ANKRD31: variants seen among roughly 807,000 people sequenced by gnomAD.
ANKRD31 encodes the protein ankyrin repeat domain 31, also known as ankyrin repeat domain-containing protein 31.
A neutral mutation model predicts 186.0 loss-of-function variants in ANKRD31; 147 were observed. The observed-to-expected ratio is 0.79, with a 90% CI of 0.69 to 0.91. ANKRD31 has a LOEUF of 0.91. ANKRD31 is among the 40% of genes least tolerant of loss of function. ANKRD31 has a pLI of 0.00. For synonymous variants in ANKRD31, 673 were observed against 736.4 expected, an observed-to-expected ratio of 0.91 and a Z score of 1.39; for missense variants, 1,986 against 2,148.8, an observed-to-expected ratio of 0.92 and a Z score of 1.50.
intron 22 of ANKRD31, among the ~76,000 whole-genome samples, chr5:75,100,795 T>C (rs1215658685): frequency 1.3e-5 from 2 of 152,198 alleles, no homozygotes; most frequent in African/African-American, 4.8e-5. Context: ...CCTCCATCCC[T>C]TTATTTTGAG....
In ANKRD31 at chr5:75,104,945, G is replaced by A; in HGVS notation, c.4614C>T (p.Ser1538=). 6.5e-7 allele frequency: 1 copy of A among 1,537,084 alleles called. No individual in the cohort carries two copies. Among genetic ancestry groups the A allele is most frequent in the Non-Finnish European group, 8.7e-7 (1 of 1,146,870 alleles). The change falls in exon 22 of 26, where the codon AGC becomes AGT. Residue 1538 remains serine (S), a synonymous_variant. Coordinates refer to ENST00000506364, the MANE Select transcript of ANKRD31 (RefSeq NM_001372053.1). The stretch of plus-strand genomic sequence containing the variant: ...CCAGAGACAATTGTGTTTCCTGCAT[G>A]CTTCCAGAAACAGGAGAAAGTGAAC... The part of the protein sequence containing the change: ...QSGSLSPVSG[S]MQETQLSLET...
At chr5:75,183,717 C>T (rs1754489294) in intron 10 of ANKRD31, among the ~76,000 whole-genome samples, 1 of 151,866 alleles carries the variant, frequency 6.6e-6, no homozygotes, top group South Asian at 2.1e-4. Context: ...GGTGAAAGAT[C>T]TCCACACTGA....
At chr5:75,084,697 G>A (rs1745347515) in intron 23 of ANKRD31, among the ~76,000 whole-genome samples, 1 of 152,136 alleles carries the variant, frequency 6.6e-6, no homozygotes, top group Admixed American at 6.5e-5. Context: ...CCCTTGTTGT[G>A]TGATATTAAT....
chr5:75,167,041 T>TCC (rs74699205), intron 11 of ANKRD31, among the ~76,000 whole-genome samples: 2 of 151,806 alleles, frequency 1.3e-5, no homozygotes, highest in Non-Finnish European at 2.9e-5. Flanking sequence ...ACATTTTCAT[T>TCC]CCCCCTAAAA....
intron 22 of ANKRD31, among the ~76,000 whole-genome samples, chr5:75,100,192 T>C (rs527780974): frequency 2.0e-5 from 3 of 152,332 alleles, no homozygotes; most frequent in Admixed American, 6.5e-5. Context: ...CCAGTAGTCA[T>C]TCAGGAGCAG....
Position 75,206,411 on chromosome 5 carries a change from C to T in ANKRD31, c.403G>A (p.Gly135Arg). 5 of 1,459,300 alleles carry T rather than the reference C, an allele frequency of 3.4e-6. No homozygotes were observed. The highest frequency in any genetic ancestry group is 4.5e-6 in the Non-Finnish European group (5 of 1,112,800). 90.4% of individuals were successfully genotyped at this position (1,459,300 alleles called of 1,614,324 possible). The stretch of plus-strand genomic sequence containing the variant: ...ATATGACTCTACCATGAAAACATAC[C>T]TTCAATATTTTGGTGGTTCAATGAA... ...GLSLNHQNIE[G>R]PEAESPEVLP... The change falls in exon 5 of 26, where the codon GGG becomes AGG. Residue 135 changes from glycine (G) to arginine (R), a missense_variant and splice_region_variant. Gly to Arg is a moderately radical substitution (Grantham distance 125, BLOSUM62 -2). Transcript: ENST00000506364.
chr5:75,077,705 C>T (rs1165546354), intron 25 of ANKRD31, among the ~76,000 whole-genome samples: 1 of 151,936 alleles, frequency 6.6e-6, no homozygotes, highest in Non-Finnish European at 1.5e-5. Context: ...GTGGGCAGAT[C>T]ATGAGGTCAG....
intron 22 of ANKRD31, among the ~76,000 whole-genome samples, chr5:75,092,942 T>A (rs1173693516): frequency 1.3e-5 from 2 of 152,050 alleles, no homozygotes; most frequent in African/African-American, 4.8e-5. Context: ...ATAGAAGTTA[T>A]GGAGTTGGAA....
At chr5:75,098,621 T>C (rs1561416940) in intron 22 of ANKRD31, among the ~76,000 whole-genome samples, 2 of 152,198 alleles carry the variant, frequency 1.3e-5, no homozygotes, top group Admixed American at 6.5e-5. Flanking sequence ...CAGTGGTTTG[T>C]AGTTCTCCTT....
chr5:75,210,805 A>T lies in ANKRD31; in HGVS notation c.326+23T>A, dbSNP rs1756578252. On this transcript the variant is annotated intron_variant, in intron 4 of 25. Coordinates refer to ENST00000506364, the MANE Select transcript of ANKRD31 (RefSeq NM_001372053.1). ...TGACAAAAATACCTACAACATAATG[A>T]AGCCAAAAATTAGTATACTTACTGT... The T allele has an allele frequency of 2.0e-6, 3 of 1,476,234 alleles. No homozygotes were observed. In the African/African-American group the frequency reaches 4.3e-5, roughly 21 times the overall value. 91.4% of individuals were successfully genotyped at this position (1,476,234 alleles called of 1,614,324 possible). A position where few individuals can be genotyped will look rare whatever the true frequency, so the allele number is the denominator to read the frequency against.
rs79702707 is a variant in ANKRD31 at position 75,104,326 on chromosome 5, A to C, written c.5233T>G (p.Tyr1745Asp). Reference protein sequence around the residue: ...QQDTIKKALNYSTAPKKKCIQ... With the variant: ...QQDTIKKALNDSTAPKKKCIQ... ...CATTTCTTTTTAGGAGCTGTACTGTAGTTTAAAGCCTTTTTTATTGTATCT... is the reference window on the plus strand; with the variant it reads ...CATTTCTTTTTAGGAGCTGTACTGTCGTTTAAAGCCTTTTTTATTGTATCT... The change falls in exon 22 of 26, where the codon TAC becomes GAC. Residue 1745 changes from tyrosine (Y) to aspartate (D), a missense_variant. Tyr to Asp is a radical substitution (Grantham distance 160, BLOSUM62 -3). Transcript: ENST00000506364. 2,784 of 1,537,190 alleles carry C rather than the reference A, an allele frequency of 1.8e-3. 72 individuals are homozygous for C. The East Asian group carries it at 0.058, about 32-fold the overall frequency.
At chr5:75,130,890 A>G (rs984436691) in intron 17 of ANKRD31, among the ~76,000 whole-genome samples, 29 of 152,226 alleles carry the variant, frequency 1.9e-4, no homozygotes, top group African/African-American at 6.8e-4. Context: ...TGCAGCACCT[A>G]GCCCGGGCAC....
intron 22 of ANKRD31, among the ~76,000 whole-genome samples, chr5:75,100,597 C>T (rs1399980881): frequency 6.6e-5 from 10 of 152,144 alleles, no homozygotes; most frequent in African/African-American, 2.4e-4. Context: ...CTTTATGAAT[C>T]TGGGTGCTCC....
At position 75,224,178 on chromosome 5, in the gene ANKRD31, T is replaced by TAC. The variant is rs1554095671; in HGVS notation, c.179-1822_179-1821dup. Among the ~76,000 whole-genome samples the TAC allele has an allele frequency of 5.0e-4, 62 of 124,424 alleles. 1 individual carries two copies. The highest frequency in any genetic ancestry group is 3.8e-3 in the East Asian group (15 of 3,946). 81.6% of individuals were successfully genotyped at this position (124,424 alleles called of 152,430 possible). A position where few individuals can be genotyped will look rare whatever the true frequency, so the allele number is the denominator to read the frequency against. On this transcript the variant is annotated intron_variant, in intron 2 of 25. Transcript: ENST00000506364. Reference sequence around the variant, plus strand: ...ATATATATGTATATATATATATATATACACACATTTCTTCCATTAGAATTC... The same window carrying TAC: ...ATATATATGTATATATATATATATATACACACACATTTCTTCCATTAGAATTC...
intron 20 of ANKRD31, among the ~76,000 whole-genome samples, chr5:75,109,029 G>A (rs1747556928): frequency 6.6e-6 from 1 of 151,890 alleles, no homozygotes; most frequent in Non-Finnish European, 1.5e-5. Flanking sequence ...ATTAATCAAT[G>A]GTATATTAAA....
At chr5:75,114,862 C>T (rs951282977) in intron 19 of ANKRD31, among the ~76,000 whole-genome samples, 22 of 152,072 alleles carry the variant, frequency 1.4e-4, no homozygotes, top group African/African-American at 4.6e-4. Context: ...AATGCCATCC[C>T]CATCAAGCTA....
At chr5:75,154,926 C>G (rs933062029) in intron 11 of ANKRD31, among the ~76,000 whole-genome samples, 1 of 152,050 alleles carries the variant, frequency 6.6e-6, no homozygotes, top group African/African-American at 2.4e-5. Flanking sequence ...CTGAGCTCCC[C>G]CAATGCCTCA....
Position 75,196,100 on chromosome 5 carries a change from T to TC in ANKRD31, c.547dup (p.Glu183GlyfsTer14), listed in dbSNP as rs1755450685. 6.5e-7 allele frequency: 1 copy of TC among 1,536,850 alleles called. No individual in the cohort carries two copies. The highest frequency in any genetic ancestry group is 8.7e-7 in the Non-Finnish European group (1 of 1,146,694). ...TGGTGCTGCTAAAATCTTCTCTGGCTCTACTAATGATGTCTCCTTTACAGC... is the reference window on the plus strand; with the variant it reads ...TGGTGCTGCTAAAATCTTCTCTGGCTCCTACTAATGATGTCTCCTTTACAGC... On this transcript the variant is annotated frameshift_variant, in exon 7 of 26. Transcript: ENST00000506364. LOFTEE classifies it high-confidence loss of function.
chr5:75,072,998 G>T (rs916535959), intron 25 of ANKRD31, among the ~76,000 whole-genome samples: 1 of 152,150 alleles, frequency 6.6e-6, no homozygotes, highest in Admixed American at 6.6e-5. Context: ...GATTGTTTTA[G>T]GAACTTTTCA....
Sources: allele counts gnomAD v4.1 joint callset (sites outside exome capture counted in the v4.1 genomes callset), GRCh38; gene constraint gnomAD v4.1.1; transcripts MANE v1.5; gene names NCBI Gene and HGNC (gene_info 2026-07-23, HGNC 2026-07-21).